ZSCAN18: variants seen among roughly 807,000 people sequenced by gnomAD.
ZSCAN18 encodes zinc finger and SCAN domain-containing protein 18.
A neutral mutation model predicts 31.1 loss-of-function variants in ZSCAN18; 16 were observed. The observed-to-expected ratio is 0.51, with a 90% CI of 0.35 to 0.78. The LOEUF is 0.78. ZSCAN18 is among the 30% of genes least tolerant of loss of function. The pLI is 0.01. For synonymous variants in ZSCAN18, 375 were observed against 320.7 expected (o/e 1.17, Z -1.81); for missense variants, 731 against 697.4 (o/e 1.05, Z -0.54).
chr19:58,114,855 G>A (rs560175384), intron 1 of ZSCAN18, among the ~76,000 whole-genome samples: 1 of 152,160 alleles, frequency 6.6e-6, no homozygotes, highest in Non-Finnish European at 1.5e-5. Context: ...ATGCCTCCTG[G>A]AGAGATATTC....
intron 1 of ZSCAN18, among the ~76,000 whole-genome samples, chr19:58,094,690 C>A (rs1467303099): frequency 1.3e-5 from 2 of 151,598 alleles, no homozygotes; most frequent in East Asian, 3.9e-4. Context: ...ACAGCCTGGG[C>A]AACATACCAA....
intron 1 of ZSCAN18, among the ~76,000 whole-genome samples, chr19:58,091,265 CAAA>C (rs5828749): frequency 9.5e-5 from 11 of 116,010 alleles, no homozygotes; most frequent in African/African-American, 3.3e-5. Context: ...GACTCTGTCT[CAAA>C]AAAAAAAAAA....
intron 1 of ZSCAN18, among the ~76,000 whole-genome samples, chr19:58,103,621 G>A (rs1381667741): frequency 6.6e-6 from 1 of 152,120 alleles, no homozygotes; most frequent in African/African-American, 2.4e-5. Context: ...TTGCTCGCTG[G>A]TACGCACTCT....
chr19:58,101,819 C>CT (rs911956358), upstream of ZSCAN18, among the ~76,000 whole-genome samples: 348 of 148,626 alleles, frequency 2.3e-3, 3 homozygotes, highest in East Asian at 0.02. Flanking sequence ...CGCACCCAGC[C>CT]TTTTTTTTTT....
At position 58,112,511 on chromosome 19, in the gene ZSCAN18, C is replaced by T. The variant is rs569748206; in HGVS notation, c.130+5756G>A. On this transcript the variant is annotated intron_variant, in intron 1 of 1. Coordinates refer to the ZSCAN18 transcript ENST00000595721. Reference sequence around the variant, plus strand: ...CAAAAATACAAAAAAATTAGCTGGGCGTGCTGGCAGGCACCTGTAGTCCCA... The same window carrying T: ...CAAAAATACAAAAAAATTAGCTGGGTGTGCTGGCAGGCACCTGTAGTCCCA... Among the ~76,000 whole-genome samples the T allele has an allele frequency of 1.1e-3, 160 of 151,936 alleles. 1 individual carries two copies. The highest frequency in any genetic ancestry group is 2.5e-3 in the East Asian group (13 of 5,134).
rs536732828 is a variant in ZSCAN18, at chr19:58,104,068, G to A, written c.131-13682C>T. ...CATTTCTATGAAGGCTGTGAGAGGC[G>A]AGGAAGATGCAGAAGAAAATTCTGA... On this transcript the variant is annotated intron_variant, in intron 1 of 1. Transcript: ENST00000595721. Among the ~76,000 whole-genome samples the A allele has an allele frequency of 3.3e-5, 5 of 152,268 alleles. No individual in the cohort carries two copies. The South Asian group carries it at 6.2e-4, about 19-fold the overall frequency.
At chr19:58,112,734 G>A (rs557900315) in intron 1 of ZSCAN18, among the ~76,000 whole-genome samples, 1 of 151,838 alleles carries the variant, frequency 6.6e-6, no homozygotes, top group Non-Finnish European at 1.5e-5. Context: ...CAGATCACCT[G>A]AGGTCTGGAG....
At position 58,084,917 on chromosome 19, in the gene ZSCAN18, C is replaced by T. The variant is rs148715744; in HGVS notation, c.1301G>A (p.Ser434Asn). Residue 434 changes from serine to asparagine, a missense_variant, in exon 7 of 7, where the codon AGC becomes AAC. By Grantham distance (46) the Ser-to-Asn change is conservative (BLOSUM62 1). Coordinates refer to ENST00000601144, the MANE Select transcript of ZSCAN18 (RefSeq NM_001145543.2). The surrounding 1 kb of genome is among the most constrained non-coding windows in gnomAD (Gnocchi z 4.5). ...WLSHLMEHHS[S>N]HGGRKRYACQ... ...GGCGTAGCGCTTCCGGCCGCCATGGCTGCTGTGGTGCTCCATCAGGTGCGA... is the reference window on the plus strand; with the variant it reads ...GGCGTAGCGCTTCCGGCCGCCATGGTTGCTGTGGTGCTCCATCAGGTGCGA... 3 of 1,595,686 alleles carry T rather than the reference C, an allele frequency of 1.9e-6. No individual in the cohort carries two copies. The African/African-American group carries it at 4.0e-5, about 21-fold the overall frequency.
intron 1 of ZSCAN18, among the ~76,000 whole-genome samples, chr19:58,114,421 AATGT>A (rs1441679967): frequency 2.3e-5 from 3 of 128,878 alleles, no homozygotes; most frequent in African/African-American, 8.4e-5. Context: ...TTATTCTTAG[AATGT>A]ATGTGCCAAC....
upstream of ZSCAN18, chr19:58,098,414 G>A: frequency 4.1e-6 from 4 of 980,502 alleles, no homozygotes; most frequent in Non-Finnish European, 2.4e-6. Flanking sequence ...GTCATTTTGG[G>A]CACCATGGCA....
rs767810311 is a variant in ZSCAN18, at chr19:58,084,906, G to A, written c.1312C>T (p.Arg438Trp). 5.6e-6 allele frequency: 9 copies of A among 1,593,130 alleles called. No homozygotes were observed. Among genetic ancestry groups the A allele is most frequent in the Middle Eastern group, 1.7e-4 (1 of 6,036 alleles). ...LMEHHSSHGG[R>W]KRYACQGCWK... ...CAGCCCTGACAGGCGTAGCGCTTCCGGCCGCCATGGCTGCTGTGGTGCTCC... is the reference window on the plus strand; with the variant it reads ...CAGCCCTGACAGGCGTAGCGCTTCCAGCCGCCATGGCTGCTGTGGTGCTCC... The change falls in exon 7 of 7, where the codon CGG becomes TGG. Residue 438 changes from arginine (R) to tryptophan (W), a missense_variant. This residue lies in a region of ZSCAN18 where 597 missense variants were observed against 499.5 expected (regional missense o/e 1.20). Transcript: ENST00000601144. The surrounding 1 kb of genome is among the most constrained non-coding windows in gnomAD (Gnocchi z 4.5).
At chr19:58,089,302 CAAAAAAAAAAAAAAAAAAAAAA>C (rs374086957) in intron 2 of ZSCAN18, among the ~76,000 whole-genome samples, 533 of 45,298 alleles carry the variant, frequency 0.012, 20 homozygotes, top group African/African-American at 0.044. Flanking sequence ...GACTCCGTCT[CAAAAAAAAAAAAAAAAAAAAAA>C]AAAAAAAAAA....
chr19:58,112,645 T>G, intron 1 of ZSCAN18, among the ~76,000 whole-genome samples: 1 of 141,118 alleles, frequency 7.1e-6, no homozygotes, highest in East Asian at 2.1e-4. Context: ...AGCAAGACTG[T>G]CTCAAAAAAA....
chr19:58,111,781 GC>G (rs35578076), intron 1 of ZSCAN18, among the ~76,000 whole-genome samples: 34,540 of 152,086 alleles, frequency 0.23, 4,321 homozygotes, highest in Middle Eastern at 0.36. Flanking sequence ...CCAAAGCCAG[GC>G]AAGCACACTA....
intron 1 of ZSCAN18, among the ~76,000 whole-genome samples, chr19:58,107,017 C>T (rs987719939): frequency 6.6e-6 from 1 of 151,678 alleles, no homozygotes; most frequent in African/African-American, 2.4e-5. Context: ...CCCACCTTGG[C>T]CTCCCAAAGT....
At position 58,106,473 on chromosome 19, in the gene ZSCAN18, C is replaced by T. The variant is rs555406355; in HGVS notation, c.130+11794G>A. ...ATCCCAGCACTTTGGGAGGCCGAGG[C>T]GGGCGGATCACGAGGTCAGGAGATC... is the stretch of plus-strand genomic sequence containing the variant. On this transcript the variant is annotated intron_variant, in intron 1 of 1. Coordinates refer to the ZSCAN18 transcript ENST00000595721. Among the ~76,000 whole-genome samples, 16 of 12,862 alleles carry T rather than the reference C, an allele frequency of 1.2e-3. 5 individuals carry two copies. Among genetic ancestry groups the T allele is most frequent in the East Asian group, 0.012 (14 of 1,140 alleles). 8.4% of individuals were successfully genotyped at this position (12,862 alleles called of 152,430 possible). A position where few individuals can be genotyped will look rare whatever the true frequency, so the allele number is the denominator to read the frequency against.
intron 1 of ZSCAN18, among the ~76,000 whole-genome samples, chr19:58,116,604 T>C (rs553821845): frequency 2.6e-5 from 4 of 152,082 alleles, no homozygotes; most frequent in Admixed American, 6.6e-5. Flanking sequence ...CCAAGCAACC[T>C]CAGAGAATGA....
chr19:58,108,186 C>T (rs2074651552), intron 1 of ZSCAN18: 1 of 985,992 alleles, frequency 1.0e-6, no homozygotes, highest in Non-Finnish European at 1.2e-6. Flanking sequence ...GGGTCTCTTT[C>T]CAATGTGAAT....
chr19:58,118,096 C>G (rs10412209), intron 1 of ZSCAN18, among the ~76,000 whole-genome samples: 115,093 of 151,974 alleles, frequency 0.76, 44,325 homozygotes, highest in Non-Finnish European at 0.84. Flanking sequence ...ACACGCGGGA[C>G]GGTCCGCGCC....
Sources: gnomAD v4.1 joint callset for allele counts (sites outside exome capture counted in the v4.1 genomes callset) on GRCh38, gnomAD v4.1.1 for gene constraint, gnomAD v4.1.1 regional missense constraint, Gnocchi (gnomAD v3.1) non-coding constraint, MANE v1.5 for transcripts, NCBI Gene and HGNC (gene_info 2026-07-23, HGNC 2026-07-21) for gene names.